The following CDH4 variants were observed in gnomAD, a reference collection of about 807,000 sequenced individuals.
The protein encoded by CDH4 is cadherin 4.
CDH4 carries 33 observed loss-of-function variants against 86.0 expected under a neutral mutation model. The ratio of observed to expected loss-of-function variants is 0.38; its 90% CI spans 0.29 to 0.51. CDH4 has a LOEUF of 0.51. Among genes scored for constraint, CDH4 ranks in the 20% least tolerant of loss-of-function variants. The pLI is 0.86. For missense variants in CDH4, 1,114 were observed against 1,307.4 expected (o/e 0.85, Z 2.28); for synonymous variants, 555 against 549.4 (o/e 1.01, Z -0.14).
intron 2 of CDH4, among the ~76,000 whole-genome samples, chr20:61,571,534 C>T (rs2086341712): frequency 6.6e-6 from 1 of 152,166 alleles, no homozygotes; most frequent in African/African-American, 2.4e-5. Flanking sequence ...CCAAAACCCA[C>T]CTGTGAGGGA....
chr20:61,890,962 G>A (rs561924058), intron 7 of CDH4, among the ~76,000 whole-genome samples: 1 of 152,262 alleles, frequency 6.6e-6, no homozygotes, highest in East Asian at 1.9e-4. Flanking sequence ...GGTTGTGGCT[G>A]TCCGGGTCAC....
At chr20:61,706,315 G>A (rs549834081) in intron 2 of CDH4, among the ~76,000 whole-genome samples, 71 of 152,088 alleles carry the variant, frequency 4.7e-4, no homozygotes, top group African/African-American at 1.5e-3. Context: ...TCAGAGGGCC[G>A]GGGGGGATGA....
chr20:61,912,404 T>G (rs1448733649), intron 9 of CDH4, among the ~76,000 whole-genome samples: 3 of 152,220 alleles, frequency 2.0e-5, no homozygotes, highest in African/African-American at 4.8e-5. Flanking sequence ...TAATAACCTC[T>G]TTTGTAAGCA....
rs1469973949 is a variant in CDH4, at chr20:61,613,854, GA to G, written c.170-129708del. ...AACATCCTGAAGCTCAAATTGGTGG[GA>G]GGGGGGGCTTTGGGGAGGAGCTCGT... On this transcript the variant is annotated intron_variant, in intron 2 of 15. Transcript: ENST00000614565. Among the ~76,000 whole-genome samples, 5 of 151,948 alleles carry G rather than the reference GA, an allele frequency of 3.3e-5. No individual in the cohort carries two copies. In the East Asian group the frequency reaches 5.8e-4, roughly 18 times the overall value.
intron 2 of CDH4, among the ~76,000 whole-genome samples, chr20:61,313,608 G>A (rs1243468479): frequency 6.6e-6 from 1 of 152,222 alleles, no homozygotes; most frequent in Non-Finnish European, 1.5e-5. Flanking sequence ...AGCGCTGTCT[G>A]CCCTGGGAAC....
rs6061594 is a variant in CDH4 at position 61,384,446 on chromosome 20, A to G, written c.169+129509A>G. Among the ~76,000 whole-genome samples, 4 of 151,982 alleles carry G rather than the reference A, an allele frequency of 2.6e-5. 1 individual carries two copies. In the South Asian group the frequency reaches 6.2e-4, roughly 24 times the overall value. ...AGGATAGAGAAGGCCGTGCTTCCACAGCGTGGTCTGGCATTTACTGTGCTG... is the reference window on the plus strand; with the variant it reads ...AGGATAGAGAAGGCCGTGCTTCCACGGCGTGGTCTGGCATTTACTGTGCTG... On this transcript the variant is annotated intron_variant, in intron 2 of 15. Coordinates refer to ENST00000614565, the MANE Select transcript of CDH4 (RefSeq NM_001794.5).
intron 2 of CDH4, among the ~76,000 whole-genome samples, chr20:61,701,405 A>T (rs2087774701): frequency 6.6e-6 from 1 of 152,180 alleles, no homozygotes; most frequent in Non-Finnish European, 1.5e-5. Flanking sequence ...GAGATTCCCC[A>T]CGGGTGAGTG....
At chr20:61,656,596 C>T (rs1600846306) in intron 2 of CDH4, among the ~76,000 whole-genome samples, 1 of 152,154 alleles carries the variant, frequency 6.6e-6, no homozygotes, top group African/African-American at 2.4e-5. Flanking sequence ...TCAGGCTTCT[C>T]TAGCTATGGT....
intron 2 of CDH4, among the ~76,000 whole-genome samples, chr20:61,726,819 C>T (rs1247523217): frequency 7.0e-4 from 10 of 14,214 alleles, no homozygotes; most frequent in Non-Finnish European, 9.5e-4. Flanking sequence ...CCATTGCTGC[C>T]ATCATCACCA....
chr20:61,292,896 T>C (rs2084330867), intron 2 of CDH4, among the ~76,000 whole-genome samples: 1 of 152,238 alleles, frequency 6.6e-6, no homozygotes, highest in Non-Finnish European at 1.5e-5. Flanking sequence ...GAGGTGCCTC[T>C]GTGCCCTAGG....
intron 2 of CDH4, among the ~76,000 whole-genome samples, chr20:61,597,135 T>C (rs963149353): frequency 1.3e-5 from 2 of 152,228 alleles, no homozygotes; most frequent in Non-Finnish European, 2.9e-5. Context: ...GGCTGCTGTT[T>C]TCCTGGCGTG....
At chr20:61,915,020 G>A (rs1429737239) in intron 9 of CDH4, among the ~76,000 whole-genome samples, 1 of 152,308 alleles carries the variant, frequency 6.6e-6, no homozygotes, top group African/African-American at 2.4e-5. Flanking sequence ...CTACAGTGAC[G>A]TTGGGCACCG....
chr20:61,613,121 C>T (rs932688593), intron 2 of CDH4, among the ~76,000 whole-genome samples: 1 of 152,072 alleles, frequency 6.6e-6, no homozygotes, highest in Non-Finnish European at 1.5e-5. Flanking sequence ...CATCTTTTCT[C>T]ACCTCCACAA....
At chr20:61,565,231 T>TCGC (rs1372940127) in intron 2 of CDH4, among the ~76,000 whole-genome samples, 1 of 45,758 alleles carries the variant, frequency 2.2e-5, no homozygotes, top group African/African-American at 8.4e-5. Flanking sequence ...TAGGTGGTGG[T>TCGC]GGTGGTGGTG....
Position 61,663,705 on chromosome 20 carries a change from T to C in CDH4, c.170-79858T>C, listed in dbSNP as rs988131911. ...TCTTCCCGGCGGGAGCTGGCGGTAC[T>C]GAGGAAGGACGTGCAGAACCAGGCA... On this transcript the variant is annotated intron_variant, in intron 2 of 15. Coordinates refer to ENST00000614565, the MANE Select transcript of CDH4 (RefSeq NM_001794.5). This position sits in a 1 kb window ranked among gnomAD's most constrained non-coding sequence, Gnocchi z 5.0. Among the ~76,000 whole-genome samples the C allele has an allele frequency of 6.6e-6, 1 of 151,382 alleles. No homozygotes were observed. Among genetic ancestry groups the C allele is most frequent in the Non-Finnish European group, 1.5e-5 (1 of 67,852 alleles).
rs368405359 is a variant in CDH4 at position 61,928,251 on chromosome 20, C to T, written c.1833C>T (p.Asn611=). Residue 611 remains asparagine (N), a synonymous_variant, in exon 12 of 16, where the codon AAC becomes AAT. Transcript: ENST00000614565. The part of the protein sequence containing the change: ...LQIYLIDIND[N]APELLPKEAQ... Reference sequence around the variant, plus strand: ...TCTATCTCATTGACATCAACGACAACGCCCCTGAGCTGCTGCCCAAGGAGG... The same window carrying T: ...TCTATCTCATTGACATCAACGACAATGCCCCTGAGCTGCTGCCCAAGGAGG... The T allele has an allele frequency of 1.7e-5, 28 of 1,607,516 alleles. No individual in the cohort carries two copies. Among genetic ancestry groups the T allele is most frequent in the Middle Eastern group, 1.6e-4 (1 of 6,062 alleles).
intron 2 of CDH4, among the ~76,000 whole-genome samples, chr20:61,549,470 A>G (rs780062146): frequency 1.3e-5 from 2 of 152,296 alleles, no homozygotes; most frequent in East Asian, 1.9e-4. Context: ...AAAAATTACT[A>G]GAAGGCTTCA....
chr20:61,701,312 G>C (rs1488777409), intron 2 of CDH4, among the ~76,000 whole-genome samples: 2 of 152,208 alleles, frequency 1.3e-5, no homozygotes, highest in Non-Finnish European at 2.9e-5. Context: ...TGAGATGCTG[G>C]GGTGGAATTT....
chr20:61,543,674 G>A (rs1049514493), intron 2 of CDH4, among the ~76,000 whole-genome samples: 6 of 152,244 alleles, frequency 3.9e-5, no homozygotes, highest in Non-Finnish European at 5.9e-5. Context: ...GGGGGCTGGT[G>A]TGACCAGGTG....
Sources: gnomAD v4.1 joint callset for allele counts (sites outside exome capture counted in the v4.1 genomes callset) on GRCh38, gnomAD v4.1.1 for gene constraint, Gnocchi (gnomAD v3.1) non-coding constraint, MANE v1.5 for transcripts, NCBI Gene and HGNC (gene_info 2026-07-23, HGNC 2026-07-21) for gene names.